UGT1A5: variants seen among roughly 807,000 people sequenced by gnomAD.
The protein encoded by UGT1A5 is UDP-glucuronosyltransferase 1A5.
A neutral mutation model predicts 40.3 loss-of-function variants in UGT1A5; 29 were observed. The observed-to-expected ratio is 0.72, with a 90% CI of 0.54 to 0.98. UGT1A5 has a LOEUF of 0.98. Among genes scored for constraint, UGT1A5 ranks in the 50% least tolerant of loss-of-function variants. The pLI is 0.00. For missense variants in UGT1A5, 678 were observed against 677.9 expected (o/e 1.00, Z 0.00); for synonymous variants, 257 against 262.5 (o/e 0.98, Z 0.20).
At chr2:233,727,938 C>T (rs2077667828) in intron 1 of UGT1A5, among the ~76,000 whole-genome samples, 1 of 152,196 alleles carries the variant, frequency 6.6e-6, no homozygotes. Flanking sequence ...AGTGCACACC[C>T]CAGACAGCCT....
At chr2:233,736,597 C>G (rs1162489027) in intron 1 of UGT1A5, among the ~76,000 whole-genome samples, 1 of 152,166 alleles carries the variant, frequency 6.6e-6, no homozygotes, top group African/African-American at 2.4e-5. Flanking sequence ...TGCTTATGCG[C>G]TATGGTTTTT....
chr2:233,716,843 C>A (rs1303779141), intron 1 of UGT1A5, among the ~76,000 whole-genome samples: 1 of 152,176 alleles, frequency 6.6e-6, no homozygotes, highest in African/African-American at 2.4e-5. Flanking sequence ...ATGGCTTCAG[C>A]TACCACATAT....
At position 233,747,493 on chromosome 2, in the gene UGT1A5, T is replaced by G; in HGVS notation, c.868-19541T>G. 3.1e-6 allele frequency: 5 copies of G among 1,608,784 alleles called. No individual in the cohort carries two copies. In the South Asian group the frequency reaches 3.3e-5, roughly 11 times the overall value. The stretch of plus-strand genomic sequence containing the variant: ...CAGGATGAATTTGATCGCCTTGTGC[T>G]GGGCCACACTCAACTGTACTTTGAA... On this transcript the variant is annotated intron_variant, in intron 1 of 4. Coordinates refer to ENST00000373414, the MANE Select transcript of UGT1A5 (RefSeq NM_019078.2).
rs1699786831 is a variant in UGT1A5 at position 233,769,072 on chromosome 2, T to C, written c.1307+633T>C. ...AAGTTTCCTGCACAGAAAGAAATACTCCATTATAAGAAGCATAGTATCTTT... is the reference window on the plus strand; with the variant it reads ...AAGTTTCCTGCACAGAAAGAAATACCCCATTATAAGAAGCATAGTATCTTT... On this transcript the variant is annotated intron_variant, in intron 4 of 4. Coordinates refer to ENST00000373414, the MANE Select transcript of UGT1A5 (RefSeq NM_019078.2). This position sits in a 1 kb window ranked among gnomAD's most constrained non-coding sequence, Gnocchi z 4.4. 6.6e-6 allele frequency among the ~76,000 whole-genome samples: 1 copy of C among 152,150 alleles called. No homozygotes were observed. Among genetic ancestry groups the C allele is most frequent in the Admixed American group, 6.5e-5 (1 of 15,270 alleles).
intron 1 of UGT1A5, among the ~76,000 whole-genome samples, chr2:233,744,623 G>T (rs1465647088): frequency 6.6e-6 from 1 of 151,866 alleles, no homozygotes; most frequent in Admixed American, 6.5e-5. Flanking sequence ...CTATAGAGAG[G>T]TGGATTCTCA....
Position 233,772,250 on chromosome 2 carries a change from CT to C in UGT1A5, c.1308-9del, listed in dbSNP as rs1325171114. 1.9e-6 allele frequency: 3 copies of C among 1,614,110 alleles called. No homozygotes were observed. Reference sequence around the variant, plus strand: ...GGTGTTCCAGGCATAACGAAACTGTCTTTGTGTTTAGTTACAAGGAGAACAT... The same window carrying C: ...GGTGTTCCAGGCATAACGAAACTGTCTTGTGTTTAGTTACAAGGAGAACAT... On this transcript the variant is annotated splice_polypyrimidine_tract_variant and intron_variant, in intron 4 of 4. Coordinates refer to ENST00000373414, the MANE Select transcript of UGT1A5 (RefSeq NM_019078.2).
chr2:233,768,108 G>A (rs1445815158), intron 3 of UGT1A5, 112 bp from the exon 4 acceptor site: 1 of 1,594,814 alleles, frequency 6.3e-7, no homozygotes, highest in Non-Finnish European at 8.6e-7. Flanking sequence ...GCAAATTTCT[G>A]CAAGGGCATG....
At chr2:233,730,198 G>T (rs544900257) in intron 1 of UGT1A5, among the ~76,000 whole-genome samples, 1 of 152,188 alleles carries the variant, frequency 6.6e-6, no homozygotes, top group Non-Finnish European at 1.5e-5. Context: ...CTGAGAGGAA[G>T]AGGAAGTAGA....
chr2:233,728,942 G>A (rs1352391275), intron 1 of UGT1A5, among the ~76,000 whole-genome samples: 1 of 147,948 alleles, frequency 6.8e-6, no homozygotes, highest in Non-Finnish European at 1.5e-5. Flanking sequence ...CTTTTCCAGG[G>A]TGGGGCCCAC....
At chr2:233,743,580 C>T (rs1377073083) in intron 1 of UGT1A5, 3 of 1,367,180 alleles carry the variant, frequency 2.2e-6, no homozygotes, top group Non-Finnish European at 2.9e-6. Context: ...CCCAAGAGGT[C>T]AAAGGAGAAT....
At chr2:233,725,179 G>GAGAGGCAGAGGCAGAGGCAGAGGC (rs879478240) in intron 1 of UGT1A5, among the ~76,000 whole-genome samples, 3 of 67,606 alleles carry the variant, frequency 4.4e-5, no homozygotes, top group Non-Finnish European at 8.4e-5. Context: ...AGACCGTGGG[G>GAGAGGCAGAGGCAGAGGCAGAGGC]AGAGGCAGAG....
In UGT1A5 at chr2:233,772,599, C is replaced by G. The variant is rs1313882407; in HGVS notation, c.*40C>G. 1 of 1,591,492 alleles carries G rather than the reference C, an allele frequency of 6.3e-7. No homozygotes were observed. Among genetic ancestry groups the G allele is most frequent in the Admixed American group, 1.8e-5 (1 of 56,352 alleles). On this transcript the variant is annotated 3_prime_UTR_variant, in exon 5 of 5. Transcript: ENST00000373414. Reference sequence around the variant, plus strand: ...ATAAGGTAAAATTTTGAACCATTCCCTAGTCATTTCCAAACTTGAAAACAG... The same window carrying G: ...ATAAGGTAAAATTTTGAACCATTCCGTAGTCATTTCCAAACTTGAAAACAG...
chr2:233,749,622 C>A (rs1694233341), intron 1 of UGT1A5, among the ~76,000 whole-genome samples: 1 of 151,854 alleles, frequency 6.6e-6, no homozygotes, highest in Admixed American at 6.5e-5. Context: ...TGATTTGGCT[C>A]TGTATCCCCC....
rs138617806 is a variant in UGT1A5 at position 233,729,585 on chromosome 2, C to A, written c.867+15727C>A. The A allele has an allele frequency of 2.5e-6, 4 of 1,613,966 alleles. No homozygotes were observed. The African/African-American group carries it at 5.3e-5, about 22-fold the overall frequency. The stretch of plus-strand genomic sequence containing the variant: ...CCTTTGATGTGGTTTTAACAGACCC[C>A]GTTAACCTCTGCGCGGCAGTGCTGG... On this transcript the variant is annotated intron_variant, in intron 1 of 4. Coordinates refer to ENST00000373414, the MANE Select transcript of UGT1A5 (RefSeq NM_019078.2).
Position 233,769,856 on chromosome 2 carries a change from TCAA to T in UGT1A5, c.1307+1418_1307+1420del. Reference sequence around the variant, plus strand: ...CTGGGCAACAGAGTGAGACCCTGTCTCAAAAAAAAAAAAAAAAATGAAAAGTCC... The same window carrying T: ...CTGGGCAACAGAGTGAGACCCTGTCTAAAAAAAAAAAAAAATGAAAAGTCC... On this transcript the variant is annotated intron_variant, in intron 4 of 4. Coordinates refer to ENST00000373414, the MANE Select transcript of UGT1A5 (RefSeq NM_019078.2). The surrounding 1 kb of genome is among the most constrained non-coding windows in gnomAD (Gnocchi z 4.4). 3.1e-6 allele frequency: 1 copy of T among 322,450 alleles called. No homozygotes were observed. Among genetic ancestry groups the T allele is most frequent in the Non-Finnish European group, 5.0e-6 (1 of 199,356 alleles). The allele number at this position is 322,450 out of a possible 1,614,324, so 20.0% of individuals were successfully genotyped here.
chr2:233,722,844 T>C (rs1216132787), intron 1 of UGT1A5, among the ~76,000 whole-genome samples: 6 of 105,740 alleles, frequency 5.7e-5, no homozygotes, highest in African/African-American at 3.6e-4. Flanking sequence ...TAAGAATGTT[T>C]CTTTTTTTTT....
In UGT1A5 at chr2:233,734,701, C is replaced by T. The variant is rs1205669329; in HGVS notation, c.867+20843C>T. On this transcript the variant is annotated intron_variant, in intron 1 of 4. Coordinates refer to ENST00000373414, the MANE Select transcript of UGT1A5 (RefSeq NM_019078.2). ...CTGATTTAAATGTGTCCCAGAGATT[C>T]TGGTATGTTGTGTCTTTGTTCTCGT... Among the ~76,000 whole-genome samples, 1,503 of 152,228 alleles carry T rather than the reference C, an allele frequency of 9.9e-3. 21 individuals carry two copies. The highest frequency in any genetic ancestry group is 0.035 in the African/African-American group (1,434 of 41,552).
intron 1 of UGT1A5, among the ~76,000 whole-genome samples, chr2:233,731,109 T>G (rs1417583719): frequency 6.6e-6 from 1 of 152,194 alleles, no homozygotes; most frequent in Non-Finnish European, 1.5e-5. Flanking sequence ...TTTTTATAAA[T>G]GTAGGTATTA....
intron 1 of UGT1A5, chr2:233,753,778 CT>C (rs1025040138): frequency 6.6e-6 from 1 of 152,232 alleles, no homozygotes; most frequent in African/African-American, 2.4e-5. Flanking sequence ...AAACGCTTTT[CT>C]TTACATTTCC....
Sources: gnomAD v4.1 joint callset for allele counts (sites outside exome capture counted in the v4.1 genomes callset) on GRCh38, gnomAD v4.1.1 for gene constraint, Gnocchi (gnomAD v3.1) non-coding constraint, MANE v1.5 for transcripts, NCBI Gene and HGNC (gene_info 2026-07-23, HGNC 2026-07-21) for gene names.